TAOK3: variants seen among roughly 807,000 people sequenced by gnomAD.
TAOK3 encodes the protein TAO kinase 3.
Under a neutral mutation model 120.4 loss-of-function variants are expected in TAOK3, and 40 were observed. The observed-to-expected ratio is 0.33, with a 90% CI of 0.26 to 0.43. The LOEUF (loss-of-function observed/expected upper bound fraction) is 0.43. Ranked by LOEUF, TAOK3 falls within the 20% of genes least tolerant of loss-of-function variation. TAOK3 has a pLI of 1.00. For synonymous variants in TAOK3, 355 were observed against 387.5 expected, an observed-to-expected ratio of 0.92 and a Z score of 0.99; for missense variants, 821 against 1,112.1, an observed-to-expected ratio of 0.74 and a Z score of 3.72.
At chr12:118,335,760 C>A (rs540864557) in intron 1 of TAOK3, among the ~76,000 whole-genome samples, 1 of 152,222 alleles carries the variant, frequency 6.6e-6, no homozygotes, top group East Asian at 1.9e-4. Flanking sequence ...ACCCAGGAGG[C>A]AGAGGCTGCA....
At position 118,234,212 on chromosome 12, in the gene TAOK3, A is replaced by ATTTTTTTTTTTTTTTTTTTT. The variant is rs763473530; in HGVS notation, c.552-467_552-448dup. Among the ~76,000 whole-genome samples, 113 of 58,340 alleles carry ATTTTTTTTTTTTTTTTTTTT rather than the reference A, an allele frequency of 1.9e-3. 16 individuals are homozygous for ATTTTTTTTTTTTTTTTTTTT. Among genetic ancestry groups the ATTTTTTTTTTTTTTTTTTTT allele is most frequent in the Non-Finnish European group, 2.7e-3 (86 of 32,398 alleles). 38.3% of individuals were successfully genotyped at this position (58,340 alleles called of 152,430 possible). A position where few individuals can be genotyped will look rare whatever the true frequency, so the allele number is the denominator to read the frequency against. ...TTAAAGTAATTAAATAAAGCAGGAAATTTTTTTTTTTTTTTTTTTTTTTTT... is the reference window on the plus strand; with the variant it reads ...TTAAAGTAATTAAATAAAGCAGGAAATTTTTTTTTTTTTTTTTTTTTTTTTTTTTTTTTTTTTTTTTTTTT... On this transcript the variant is annotated intron_variant, in intron 8 of 20. Transcript: ENST00000392533.
intron 1 of TAOK3, among the ~76,000 whole-genome samples, chr12:118,321,566 T>C (rs1379009649): frequency 1.3e-5 from 2 of 152,150 alleles, no homozygotes; most frequent in African/African-American, 4.8e-5. Flanking sequence ...AGTATGTTTT[T>C]CATAAAAAAG....
intron 1 of TAOK3, among the ~76,000 whole-genome samples, chr12:118,333,834 TA>T (rs201739458): frequency 0.062 from 8,362 of 135,286 alleles, 430 homozygotes; most frequent in East Asian, 0.24. Flanking sequence ...GGGTATTTTA[TA>T]AAAAAAAAAA....
chr12:118,163,066 T>C lies in TAOK3; in HGVS notation c.1900-1039A>G, dbSNP rs184446410. Among the ~76,000 whole-genome samples the C allele has an allele frequency of 3.2e-4, 49 of 152,350 alleles. 1 individual carries two copies. Among genetic ancestry groups the C allele is most frequent in the Admixed American group, 2.0e-3 (30 of 15,290 alleles). On this transcript the variant is annotated intron_variant, in intron 17 of 20. Coordinates refer to ENST00000392533, the MANE Select transcript of TAOK3 (RefSeq NM_016281.4). ...TCAGATTTAGATACGTGGCCCAACC[T>C]GGGTCAATTTATTTTCTCTACTCGG...
chr12:118,186,920 T>A (rs1286454100), intron 14 of TAOK3, among the ~76,000 whole-genome samples: 1 of 152,164 alleles, frequency 6.6e-6, no homozygotes, highest in Non-Finnish European at 1.5e-5. Context: ...CCAATGCCCA[T>A]GGGCTTCTTC....
chr12:118,242,724 G>A (rs934206085), intron 5 of TAOK3, among the ~76,000 whole-genome samples: 1 of 151,988 alleles, frequency 6.6e-6, no homozygotes, highest in Admixed American at 6.6e-5. Context: ...GCTGGGTGTG[G>A]TGGCATGTGC....
chr12:118,187,547 T>G (rs2037150332), intron 14 of TAOK3, among the ~76,000 whole-genome samples: 1 of 152,150 alleles, frequency 6.6e-6, no homozygotes, highest in African/African-American at 2.4e-5. Flanking sequence ...ATAGTTAGAT[T>G]GTTCAAAATG....
chr12:118,319,323 C>T lies in TAOK3; in HGVS notation c.-193-52564G>A, dbSNP rs543681454. Among the ~76,000 whole-genome samples, 152 of 152,208 alleles carry T rather than the reference C, an allele frequency of 1.0e-3. 1 individual carries two copies. The highest frequency in any genetic ancestry group is 1.9e-3 in the South Asian group (9 of 4,830). Reference sequence around the variant, plus strand: ...CAAAAGAAAAATAAATTGGACTTTACTAAAATTCAGAACTTATGTGTATCA... The same window carrying T: ...CAAAAGAAAAATAAATTGGACTTTATTAAAATTCAGAACTTATGTGTATCA... On this transcript the variant is annotated intron_variant, in intron 1 of 20. Transcript: ENST00000392533.
rs1566004919 is a variant in TAOK3 at position 118,244,874 on chromosome 12, T to C, written c.192+20A>G. 1.3e-6 allele frequency: 2 copies of C among 1,572,978 alleles called. No individual in the cohort carries two copies. Among genetic ancestry groups the C allele is most frequent in the South Asian group, 1.1e-5 (1 of 90,168 alleles). Reference sequence around the variant, plus strand: ...TAACTTGTTTATTTCAGTTTAGGTATACAACTGTCTCTATCTCACCTCATG... The same window carrying C: ...TAACTTGTTTATTTCAGTTTAGGTACACAACTGTCTCTATCTCACCTCATG... On this transcript the variant is annotated intron_variant, in intron 4 of 20. Transcript: ENST00000392533.
chr12:118,152,220 C>G lies in TAOK3; in HGVS notation c.2535+7G>C. On this transcript the variant is annotated splice_region_variant and intron_variant, in intron 20 of 20. Transcript: ENST00000392533. ...GTGGCACCGGACCCCTGGTAATGCT[C>G]CCTTACCTTCTGCTCAAGGTGTGCT... The G allele has an allele frequency of 6.2e-7, 1 of 1,611,052 alleles. No individual in the cohort carries two copies. The highest frequency in any genetic ancestry group is 8.5e-7 in the Non-Finnish European group (1 of 1,177,524).
chr12:118,211,022 C>T (rs1019336828), intron 11 of TAOK3, among the ~76,000 whole-genome samples: 1 of 152,202 alleles, frequency 6.6e-6, no homozygotes, highest in Non-Finnish European at 1.5e-5. Context: ...CGGGCATGAG[C>T]CGCCACGCCC....
intron 16 of TAOK3, among the ~76,000 whole-genome samples, chr12:118,174,264 A>G (rs770863170): frequency 6.6e-6 from 1 of 152,216 alleles, no homozygotes; most frequent in Non-Finnish European, 1.5e-5. Flanking sequence ...GTATATAAAT[A>G]TCTAAATATA....
Position 118,342,649 on chromosome 12 carries a change from G to A in TAOK3, c.-194+29999C>T, listed in dbSNP as rs115266656. 4.7e-3 allele frequency among the ~76,000 whole-genome samples: 721 copies of A among 152,216 alleles called. 4 individuals are homozygous for A. Among genetic ancestry groups the A allele is most frequent in the African/African-American group, 0.016 (677 of 41,524 alleles). On this transcript the variant is annotated intron_variant, in intron 1 of 20. Transcript: ENST00000392533. ...TGAAACCCCAGTTAGAAATTAAAAA[G>A]TCATCTGGGCTCTACAGCTCACACC...
At chr12:118,227,029 AG>A (rs1162358512) in intron 9 of TAOK3, among the ~76,000 whole-genome samples, 1 of 152,054 alleles carries the variant, frequency 6.6e-6, no homozygotes. Context: ...TGGAAAGGGA[AG>A]AATCCATGTC....
intron 1 of TAOK3, among the ~76,000 whole-genome samples, chr12:118,319,548 T>C (rs1166393391): frequency 6.6e-6 from 1 of 152,158 alleles, no homozygotes; most frequent in Non-Finnish European, 1.5e-5. Context: ...AGGACTTGAA[T>C]AGCCATTTAC....
intron 14 of TAOK3, among the ~76,000 whole-genome samples, chr12:118,182,957 T>G (rs1411255995): frequency 6.6e-6 from 1 of 152,174 alleles, no homozygotes; most frequent in Non-Finnish European, 1.5e-5. Flanking sequence ...CTATTAAATC[T>G]TTTGTGATTT....
chr12:118,178,234 G>A (rs185363894), intron 15 of TAOK3, among the ~76,000 whole-genome samples: 1 of 152,282 alleles, frequency 6.6e-6, no homozygotes, highest in African/African-American at 2.4e-5. Context: ...CTACAGGCGT[G>A]AGCCACCATG....
At chr12:118,221,609 C>G (rs1327072121) in intron 9 of TAOK3, among the ~76,000 whole-genome samples, 2 of 151,202 alleles carry the variant, frequency 1.3e-5, no homozygotes, top group Non-Finnish European at 2.9e-5. Flanking sequence ...GAAGAAGTCA[C>G]CTTGTGATAC....
At chr12:118,207,858 T>A (rs1021355589) in intron 11 of TAOK3, among the ~76,000 whole-genome samples, 43 of 144,450 alleles carry the variant, frequency 3.0e-4, no homozygotes, top group South Asian at 6.8e-4. Context: ...AGACTCTGTC[T>A]CACACACACA....
Sources: gnomAD v4.1 joint callset for allele counts (sites outside exome capture counted in the v4.1 genomes callset) on GRCh38, gnomAD v4.1.1 for gene constraint, MANE v1.5 for transcripts, NCBI Gene and HGNC (gene_info 2026-07-23, HGNC 2026-07-21) for gene names.